The following LRBA variants were observed in gnomAD, a reference collection of about 807,000 sequenced individuals.
The protein encoded by LRBA is lipopolysaccharide-responsive and beige-like anchor protein.
A neutral mutation model predicts 330.0 loss-of-function variants in LRBA; 176 were observed. The ratio of observed to expected loss-of-function variants is 0.53; its 90% confidence interval spans 0.47 to 0.60. The LOEUF is 0.60. Among genes scored for constraint, LRBA ranks in the 20% least tolerant of loss-of-function variants. The probability of loss-of-function intolerance (pLI) is 0.00; values close to 1 mark genes in which losing one functional copy is unlikely to be tolerated. For synonymous variants in LRBA, 1,230 were observed against 1,193.0 expected (o/e 1.03, Z -0.64); for missense variants, 3,259 against 3,444.8 (o/e 0.95, Z 1.35).
At chr4:150,392,814 A>G (rs1228573205) in intron 47 of LRBA, among the ~76,000 whole-genome samples, 2 of 138,944 alleles carry the variant, frequency 1.4e-5, no homozygotes, top group Non-Finnish European at 3.1e-5. Flanking sequence ...ACATGGACAC[A>G]GGGGGAGGGG....
chr4:150,827,459 CCT>C (rs1345349985), intron 30 of LRBA, among the ~76,000 whole-genome samples: 5 of 152,222 alleles, frequency 3.3e-5, no homozygotes, highest in East Asian at 1.9e-4. Context: ...CTCAACTGCC[CCT>C]GAGATACTAA....
At chr4:150,349,056 G>T (rs1219428083) in intron 48 of LRBA, among the ~76,000 whole-genome samples, 2 of 152,138 alleles carry the variant, frequency 1.3e-5, no homozygotes, top group Non-Finnish European at 2.9e-5. Flanking sequence ...GCAATTTAAT[G>T]CAAGTGTACA....
At position 150,987,874 on chromosome 4, in the gene LRBA, C is replaced by T. The variant is rs576397452; in HGVS notation, c.216+26553G>A. Among the ~76,000 whole-genome samples, 12 of 151,824 alleles carry T rather than the reference C, an allele frequency of 7.9e-5. No homozygotes were observed. In the South Asian group the frequency reaches 2.5e-3, roughly 32 times the overall value. ...AAAAATTGCCGGGTGTCCTGGTGAG[C>T]GGCTGTAATACCAGCTACCCAGGAG... On this transcript the variant is annotated intron_variant, in intron 2 of 56. Coordinates refer to ENST00000651943, the MANE Select transcript of LRBA (RefSeq NM_001364905.1).
chr4:150,824,165 G>GT (rs1395497040), intron 30 of LRBA, among the ~76,000 whole-genome samples: 3 of 151,884 alleles, frequency 2.0e-5, no homozygotes, highest in African/African-American at 7.3e-5. Context: ...TTATTCCTAG[G>GT]TATTTTACTT....
At chr4:150,875,606 G>T (rs1753929257) in intron 17 of LRBA, among the ~76,000 whole-genome samples, 1 of 152,184 alleles carries the variant, frequency 6.6e-6, no homozygotes, top group South Asian at 2.1e-4. Context: ...CCTGCTGACG[G>T]AAGTGTATAA....
chr4:150,404,668 T>C (rs1261525563), intron 47 of LRBA, among the ~76,000 whole-genome samples: 1 of 152,150 alleles, frequency 6.6e-6, no homozygotes, highest in African/African-American at 2.4e-5. Flanking sequence ...TAACTACTAT[T>C]AGACAATCCT....
At chr4:150,427,586 G>A (rs1328598860) in intron 46 of LRBA, among the ~76,000 whole-genome samples, 3 of 151,844 alleles carry the variant, frequency 2.0e-5, no homozygotes, top group Admixed American at 1.3e-4. Flanking sequence ...ACAGAAGGAA[G>A]GAGGGAAGAT....
intron 40 of LRBA, among the ~76,000 whole-genome samples, chr4:150,522,168 TCTATAAG>T (rs1433054867): frequency 6.6e-6 from 1 of 152,122 alleles, no homozygotes; most frequent in African/African-American, 2.4e-5. Context: ...GATGGTGTCA[TCTATAAG>T]AAACAGGCTT....
At chr4:150,717,106 T>C (rs1728299109) in intron 36 of LRBA, among the ~76,000 whole-genome samples, 2 of 152,224 alleles carry the variant, frequency 1.3e-5, no homozygotes, top group African/African-American at 4.8e-5. Context: ...CCAAGCTTCA[T>C]CATATACTAG....
chr4:150,528,739 A>T (rs1402961731), intron 40 of LRBA, among the ~76,000 whole-genome samples: 1 of 152,156 alleles, frequency 6.6e-6, no homozygotes, highest in African/African-American at 2.4e-5. Context: ...TTACTTTGTT[A>T]AAAAGGAATT....
chr4:150,999,643 A>G (rs1687731484), intron 2 of LRBA, among the ~76,000 whole-genome samples: 1 of 151,996 alleles, frequency 6.6e-6, no homozygotes, highest in Non-Finnish European at 1.5e-5. Flanking sequence ...TGCTATTCAC[A>G]TAGGAAGTCC....
intron 44 of LRBA, among the ~76,000 whole-genome samples, chr4:150,461,960 T>C (rs1010987957): frequency 5.3e-5 from 8 of 151,694 alleles, no homozygotes; most frequent in Non-Finnish European, 1.2e-4. Context: ...ACAAAGGAAA[T>C]CATCCTAATC....
chr4:150,739,476 ACT>A (rs1006782220), intron 35 of LRBA, among the ~76,000 whole-genome samples: 1 of 152,160 alleles, frequency 6.6e-6, no homozygotes, highest in Non-Finnish European at 1.5e-5. Flanking sequence ...GATACAGATC[ACT>A]CTGCAAGAAG....
At chr4:150,915,093 G>T (rs1490425685) in intron 8 of LRBA, among the ~76,000 whole-genome samples, 3 of 151,976 alleles carry the variant, frequency 2.0e-5, no homozygotes, top group Non-Finnish European at 2.9e-5. Context: ...AGGAGTTAAT[G>T]GTGTGTGGGT....
At position 151,009,909 on chromosome 4, in the gene LRBA, G is replaced by A. The variant is rs1579490987; in HGVS notation, c.216+4518C>T. 3.3e-5 allele frequency among the ~76,000 whole-genome samples: 5 copies of A among 150,956 alleles called. No individual in the cohort carries two copies. The Middle Eastern group carries it at 0.01, about 314-fold the overall frequency. ...GCAGGAGAATGGCGTGAACCTGGGA[G>A]GCGGACCTTGCAGTGAGCCGAGATC... On this transcript the variant is annotated intron_variant, in intron 2 of 56. Coordinates refer to ENST00000651943, the MANE Select transcript of LRBA (RefSeq NM_001364905.1).
intron 40 of LRBA, among the ~76,000 whole-genome samples, chr4:150,550,443 C>G (rs910624816): frequency 1.3e-5 from 2 of 152,022 alleles, no homozygotes; most frequent in Non-Finnish European, 2.9e-5. Flanking sequence ...ATTATTAAAG[C>G]ATATTTAGAA....
intron 33 of LRBA, among the ~76,000 whole-genome samples, chr4:150,804,470 T>A (rs1742249251): frequency 6.6e-6 from 1 of 152,196 alleles, no homozygotes; most frequent in Non-Finnish European, 1.5e-5. Context: ...CTTAAACTAT[T>A]AGCCTACCTA....
At chr4:150,417,202 A>G (rs936490263) in intron 46 of LRBA, among the ~76,000 whole-genome samples, 1 of 152,114 alleles carries the variant, frequency 6.6e-6, no homozygotes, top group Non-Finnish European at 1.5e-5. Flanking sequence ...CTGAATACAT[A>G]TATCTTTCAT....
chr4:150,636,152 A>G (rs924109342), intron 37 of LRBA, among the ~76,000 whole-genome samples: 26 of 119,082 alleles, frequency 2.2e-4, no homozygotes, highest in African/African-American at 6.8e-4. Context: ...CATGGTACCT[A>G]CCAAGCTTTT....
Sources: gnomAD v4.1 joint callset for allele counts (sites outside exome capture counted in the v4.1 genomes callset) on GRCh38, gnomAD v4.1.1 for gene constraint, MANE v1.5 for transcripts, NCBI Gene and HGNC (gene_info 2026-07-23, HGNC 2026-07-21) for gene names.